BIRC6: variants seen among roughly 807,000 people sequenced by gnomAD.
The protein encoded by BIRC6 is baculoviral IAP repeat containing 6.
In BIRC6, 98 loss-of-function variants were observed where a neutral mutation model predicts 503.3. That is an observed-to-expected ratio of 0.19 (90% CI 0.17 to 0.23). The LOEUF (loss-of-function observed/expected upper bound fraction) is 0.23, where lower values mean the gene tolerates loss of function less well. Ranked by LOEUF, BIRC6 falls within the 10% of genes least tolerant of loss-of-function variation. BIRC6 has a pLI of 1.00. For missense variants in BIRC6, 5,360 were observed against 5,806.0 expected (o/e 0.92, Z 2.50); for synonymous variants, 2,240 against 2,078.7 (o/e 1.08, Z -2.11).
intron 68 of BIRC6, 22 bp downstream of exon 68, chr2:32,595,166 G>A (rs2061601704): frequency 6.9e-7 from 1 of 1,445,778 alleles, no homozygotes; most frequent in African/African-American, 1.4e-5. Context: ...TTTTTGATTT[G>A]CTTAAGATCT....
intron 55 of BIRC6, 134 bp from the exon 56 acceptor site, chr2:32,518,120 A>T: frequency 1.3e-6 from 1 of 787,376 alleles, no homozygotes; most frequent in Non-Finnish European, 1.9e-6. Context: ...ACCCCCAGAG[A>T]CATTTGTTCT....
At chr2:32,434,649 A>G (rs993437045) in intron 13 of BIRC6, among the ~76,000 whole-genome samples, 2 of 152,066 alleles carry the variant, frequency 1.3e-5, no homozygotes, top group Admixed American at 1.3e-4. Flanking sequence ...GGAATTTGAG[A>G]CCAGCCTGGG....
At position 32,518,849 on chromosome 2, in the gene BIRC6, C is replaced by T. The variant is rs557511651; in HGVS notation, c.11526C>T (p.His3842=). 16 of 1,613,480 alleles carry T rather than the reference C, an allele frequency of 9.9e-6. No individual in the cohort carries two copies. Among genetic ancestry groups the T allele is most frequent in the African/African-American group, 9.3e-5 (7 of 75,032 alleles). The change falls in exon 57 of 74, where the codon CAC becomes CAT. Residue 3842 remains histidine, a synonymous_variant. Transcript: ENST00000421745. ...LYKGRINATS[H]VIQHPMYGAG... ...AAGGTAGAATTAATGCTACTAGCCA[C>T]GTCATCCAGCATCCAATGTATGGAG... is the stretch of plus-strand genomic sequence containing the variant.
chr2:32,525,331 T>G (rs537150104), intron 58 of BIRC6, 133 bp from the exon 59 acceptor site: 1 of 965,784 alleles, frequency 1.0e-6, no homozygotes. Context: ...GATTAGATAT[T>G]GGATTAGAAG....
chr2:32,564,114 GTT>G (rs1559062617), intron 65 of BIRC6: 1 of 152,110 alleles, frequency 6.6e-6, no homozygotes, highest in Non-Finnish European at 1.5e-5. Context: ...GTACCCTTTA[GTT>G]ATCATCTTCC....
chr2:32,371,493 G>T (rs1229535714), intron 1 of BIRC6, among the ~76,000 whole-genome samples: 1 of 151,768 alleles, frequency 6.6e-6, no homozygotes, highest in Non-Finnish European at 1.5e-5. Context: ...TCCTGCCTCA[G>T]CCTTCCGAGC....
chr2:32,374,428 G>A (rs2036424580), intron 1 of BIRC6, among the ~76,000 whole-genome samples: 1 of 151,636 alleles, frequency 6.6e-6, no homozygotes, highest in Non-Finnish European at 1.5e-5. Context: ...TGTCCGAGTA[G>A]CTAGAACCAC....
At position 32,513,135 on chromosome 2, in the gene BIRC6, C is replaced by G. The variant is rs758891031; in HGVS notation, c.10549C>G (p.Leu3517Val). The change falls in exon 54 of 74, where the codon CTG (leucine) becomes GTG (valine). Residue 3517 changes from leucine to valine, a missense_variant. Transcript: ENST00000421745. ...LLVEYDLPAL[L>V]DQELFELLFN... is the part of the protein sequence containing the mutation. ...TGTAGAATATGACTTACCAGCACTC[C>G]TGGACCAAGAGCTCTTTGAGTAAGT... The G allele has an allele frequency of 6.2e-7, 1 of 1,613,396 alleles. No homozygotes were observed. The highest frequency in any genetic ancestry group is 8.5e-7 in the Non-Finnish European group (1 of 1,179,556).
chr2:32,437,546 A>G (rs1298752178), intron 15 of BIRC6, among the ~76,000 whole-genome samples: 1 of 152,252 alleles, frequency 6.6e-6, no homozygotes, highest in Non-Finnish European at 1.5e-5. Context: ...GACATAGTAC[A>G]GGTCAAGTAT....
At position 32,376,642 on chromosome 2, in the gene BIRC6, A is replaced by T. The variant is rs1290791985; in HGVS notation, c.326-946A>T. ...TTTTTAAATTGTCACAAATCTCTGA[A>T]ATTTTTTTCAATGTATGAATTGGAA... On this transcript the variant is annotated intron_variant, in intron 1 of 73. Transcript: ENST00000421745. Among the ~76,000 whole-genome samples, 4 of 152,122 alleles carry T rather than the reference A, an allele frequency of 2.6e-5. No homozygotes were observed. In the East Asian group the frequency reaches 5.8e-4, roughly 22 times the overall value.
At chr2:32,430,514 T>A (rs11682613) in intron 11 of BIRC6, among the ~76,000 whole-genome samples, 4,457 of 152,326 alleles carry the variant, frequency 0.029, 76 homozygotes, top group South Asian at 0.058. Flanking sequence ...ATTATTGGTC[T>A]GATGTACATT....
At chr2:32,514,190 A>G (rs1459166800) in intron 54 of BIRC6, among the ~76,000 whole-genome samples, 2 of 152,062 alleles carry the variant, frequency 1.3e-5, no homozygotes, top group African/African-American at 2.4e-5. Context: ...GCATGGTGGC[A>G]TGTTCCTCTA....
At chr2:32,491,385 T>C (rs116077025) in intron 43 of BIRC6, 40 bp from the exon 44 acceptor site, 12 of 1,534,958 alleles carry the variant, frequency 7.8e-6, no homozygotes, top group Non-Finnish European at 1.1e-5. Context: ...CATTATTTCA[T>C]GGTCCATTTC....
intron 15 of BIRC6, among the ~76,000 whole-genome samples, chr2:32,437,217 C>T (rs892971146): frequency 3.9e-5 from 6 of 152,008 alleles, no homozygotes; most frequent in Non-Finnish European, 7.4e-5. Flanking sequence ...AGAAGAGCTT[C>T]GCCAGTATCA....
At chr2:32,385,464 CATT>C (rs2038298277) in intron 3 of BIRC6, among the ~76,000 whole-genome samples, 1 of 152,142 alleles carries the variant, frequency 6.6e-6, no homozygotes, top group Admixed American at 6.5e-5. Context: ...AATTTGTAGA[CATT>C]AGTTTCGTAG....
chr2:32,362,593 C>T (rs548703924), intron 1 of BIRC6, among the ~76,000 whole-genome samples: 12 of 152,166 alleles, frequency 7.9e-5, no homozygotes, highest in African/African-American at 2.6e-4. Flanking sequence ...GCTGGGATTG[C>T]AGGCATGAGC....
At chr2:32,481,238 A>G in intron 37 of BIRC6, 82 bp from the exon 38 acceptor site, 1 of 1,276,894 alleles carries the variant, frequency 7.8e-7, no homozygotes, top group East Asian at 2.6e-5. Flanking sequence ...AAGTAAAATA[A>G]CTTTTTTTAA....
chr2:32,611,310 ATATTAATTTAAATG>A, intron 72 of BIRC6, 124 bp from the exon 73 acceptor site: 1 of 404,270 alleles, frequency 2.5e-6, no homozygotes, highest in Non-Finnish European at 3.7e-6. Context: ...AATATTCTAA[ATATTAATTTAAATG>A]TATTTATAGA....
Position 32,604,356 on chromosome 2 carries a change from C to T in BIRC6, c.14070+1273C>T, listed in dbSNP as rs138237319. 2.9e-3 allele frequency among the ~76,000 whole-genome samples: 440 copies of T among 152,142 alleles called. 7 individuals carry two copies. Among genetic ancestry groups the T allele is most frequent in the African/African-American group, 0.01 (425 of 41,520 alleles). ...GGTTTACTGTTTCTCTGCTTATTTC[C>T]GGCCTACAGTAAAATGTAGTGTGCA... On this transcript the variant is annotated intron_variant, in intron 71 of 73. Transcript: ENST00000421745.
Sources: gnomAD v4.1 joint callset for allele counts (sites outside exome capture counted in the v4.1 genomes callset) on GRCh38, gnomAD v4.1.1 for gene constraint, MANE v1.5 for transcripts, NCBI Gene and HGNC (gene_info 2026-07-23, HGNC 2026-07-21) for gene names.